Variants in MCM6 observed in about 807,000 individuals in gnomAD.
The protein encoded by MCM6 is minichromosome maintenance complex component 6, also known as DNA replication licensing factor MCM6.
In MCM6, 46 loss-of-function variants were observed where a neutral mutation model predicts 94.3. That is an observed-to-expected ratio of 0.49 (90% confidence interval 0.39 to 0.62). The LOEUF is 0.62. MCM6 is among the 20% of genes least tolerant of loss of function. MCM6 has a pLI of 0.00. For missense variants in MCM6, 865 were observed against 1,017.9 expected, an observed-to-expected ratio of 0.85 and a Z score of 2.04; for synonymous variants, 335 against 351.9, an observed-to-expected ratio of 0.95 and a Z score of 0.54.
chr2:135,870,481 T>G, intron 2 of MCM6, 120 bp from the exon 3 acceptor site: 1 of 697,952 alleles, frequency 1.4e-6, no homozygotes, highest in Non-Finnish European at 2.5e-6. Flanking sequence ...CCTTAGAACT[T>G]AACTGTGTAG....
chr2:135,858,027 T>C, intron 9 of MCM6, 23 bp from the exon 10 acceptor site: 3 of 1,603,166 alleles, frequency 1.9e-6, no homozygotes, highest in Non-Finnish European at 2.6e-6. Flanking sequence ...AAATCAAGCC[T>C]AAGAAGCTGT....
rs755569944 is a variant in MCM6, at chr2:135,872,785, G to A, written c.166C>T (p.Pro56Ser). 1.9e-6 allele frequency: 3 copies of A among 1,614,142 alleles called. No homozygotes were observed. The highest frequency in any genetic ancestry group is 2.5e-6 in the Non-Finnish European group (3 of 1,180,028). Residue 56 changes from proline (P) to serine (S), a missense_variant, in exon 2 of 17, where the codon CCT (proline) becomes TCT (serine). Physicochemically the swap from Pro to Ser is moderately conservative, Grantham distance 74. Transcript: ENST00000264156. ...CTCACAACCAATGTGTTTCTCTCAG[G>A]ACGAATCAGTTCCTCTGCTAATTGC... ...YLQLAEELIR[P>S]ERNTLVVSFV...
chr2:135,867,710 G>A (rs936737656), intron 4 of MCM6, among the ~76,000 whole-genome samples: 26 of 151,916 alleles, frequency 1.7e-4, no homozygotes, highest in African/African-American at 5.6e-4. Flanking sequence ...AACCCATCAC[G>A]GACTTATTCA....
intron 4 of MCM6, among the ~76,000 whole-genome samples, chr2:135,867,942 G>T (rs1039900962): frequency 1.6e-4 from 25 of 152,216 alleles, no homozygotes; most frequent in Admixed American, 1.6e-3. Flanking sequence ...CAGGAGAATG[G>T]CGTGAACCCA....
rs201405385 is a variant in MCM6, at chr2:135,856,896, G to C, written c.1471-13C>G. ...CGTTCAGAGTAGCCTGACCACAAAAGAAAGAATCTTAACAGATTTAAATAG... is the reference window on the plus strand; with the variant it reads ...CGTTCAGAGTAGCCTGACCACAAAACAAAGAATCTTAACAGATTTAAATAG... On this transcript the variant is annotated splice_polypyrimidine_tract_variant and intron_variant, in intron 10 of 16. Transcript: ENST00000264156. The C allele has an allele frequency of 1.9e-4, 300 of 1,603,908 alleles. 1 individual carries two copies. Among genetic ancestry groups the C allele is most frequent in the South Asian group, 1.8e-3 (163 of 89,142 alleles).
intron 2 of MCM6, 68 bp from the exon 3 acceptor site, chr2:135,870,429 C>A (rs1680179313): frequency 9.8e-7 from 1 of 1,022,642 alleles, no homozygotes; most frequent in East Asian, 2.4e-5. Flanking sequence ...TACATACCTA[C>A]CAACAGCCGA....
In MCM6 at chr2:135,852,901, G is replaced by A. The variant is rs776571342; in HGVS notation, c.1641C>T (p.Ala547=). ...VDECNEVTDY[A]IARRIVDLHS... ...GCAAATCTACTATGCGCCTGGCAAT[G>A]GCATAATCTGTAACCTAATTCAAAA... The change falls in exon 12 of 17, where the codon GCC becomes GCT. Residue 547 remains alanine, a synonymous_variant. Coordinates refer to ENST00000264156, the MANE Select transcript of MCM6 (RefSeq NM_005915.6). 6.2e-7 allele frequency: 1 copy of A among 1,606,010 alleles called. No homozygotes were observed. The highest frequency in any genetic ancestry group is 1.7e-5 in the Admixed American group (1 of 58,322).
chr2:135,858,168 G>A (rs1373993261), intron 9 of MCM6, among the ~76,000 whole-genome samples, 164 bp from the exon 10 acceptor site: 1 of 152,094 alleles, frequency 6.6e-6, no homozygotes, highest in East Asian at 1.9e-4. Flanking sequence ...CTCCAGGTTA[G>A]GTGACAGAGT....
intron 8 of MCM6, among the ~76,000 whole-genome samples, chr2:135,861,002 T>A (rs942499799): frequency 6.6e-6 from 1 of 152,164 alleles, no homozygotes; most frequent in African/African-American, 2.4e-5. Flanking sequence ...ATGACACTGT[T>A]ACCAGAGGCA....
intron 11 of MCM6, 41 bp downstream of exon 11, chr2:135,856,687 T>C (rs1194445785): frequency 1.2e-6 from 2 of 1,600,282 alleles, no homozygotes; most frequent in South Asian, 1.1e-5. Context: ...TCTCACTCGA[T>C]TACTCCAACT....
At chr2:135,870,895 G>GCAC (rs1427634482) in intron 2 of MCM6, among the ~76,000 whole-genome samples, 14 of 152,106 alleles carry the variant, frequency 9.2e-5, no homozygotes, top group Non-Finnish European at 1.5e-5. Flanking sequence ...CTACAGGCAT[G>GCAC]CACCACCATG....
At chr2:135,868,882 A>G (rs750255174) in intron 3 of MCM6, 22 bp from the exon 4 acceptor site, 3 of 1,605,682 alleles carry the variant, frequency 1.9e-6, no homozygotes, top group Non-Finnish European at 2.6e-6. Context: ...CAAATGTCCC[A>G]TTAGTAAACA....
At position 135,844,655 on chromosome 2, in the gene MCM6, C is replaced by A; in HGVS notation, c.2239G>T (p.Glu747Ter). ...EEDESALKRS[E>*]LVNWYLKEIE... ...TCCTTCAAGTACCAGTTAACAAGCT[C>A]GCTCCTCTTTAATGCTGACTCGTCC... The change falls in exon 16 of 17, where the codon GAG becomes TAG. Residue 747 changes from glutamate to a stop codon, truncating the protein, a stop_gained. Coordinates refer to ENST00000264156, the MANE Select transcript of MCM6 (RefSeq NM_005915.6). LOFTEE classifies it high-confidence loss of function. The A allele has an allele frequency of 6.3e-7, 1 of 1,587,142 alleles. No homozygotes were observed. Among genetic ancestry groups the A allele is most frequent in the South Asian group, 1.2e-5 (1 of 84,320 alleles).
intron 8 of MCM6, among the ~76,000 whole-genome samples, chr2:135,861,333 T>G (rs901295122): frequency 1.3e-5 from 2 of 152,056 alleles, no homozygotes; most frequent in African/African-American, 4.8e-5. Flanking sequence ...GCAAATTTCT[T>G]GTAGGCTTGG....
At chr2:135,844,913 TAATAA>T (rs1679642305) in intron 15 of MCM6, among the ~76,000 whole-genome samples, 1 of 152,228 alleles carries the variant, frequency 6.6e-6, no homozygotes, top group Non-Finnish European at 1.5e-5. Flanking sequence ...GAGAGAAACC[TAATAA>T]AATAGATTAT....
At chr2:135,858,973 C>T (rs1435406220) in intron 9 of MCM6, among the ~76,000 whole-genome samples, 1 of 152,086 alleles carries the variant, frequency 6.6e-6, no homozygotes, top group Non-Finnish European at 1.5e-5. Flanking sequence ...CTCAATGCAG[C>T]CTCCACCTCC....
rs530612650 is a variant in MCM6 at position 135,864,494 on chromosome 2, G to C, written c.1078+519C>G. On this transcript the variant is annotated intron_variant, in intron 7 of 16. Transcript: ENST00000264156. ...AAACACATACACACACACCAACAAG[G>C]CCAGGAGACTACAACCACAAAAAGG... Among the ~76,000 whole-genome samples the C allele has an allele frequency of 3.5e-4, 53 of 151,688 alleles. 1 individual carries two copies. Among genetic ancestry groups the C allele is most frequent in the Non-Finnish European group, 5.9e-5 (4 of 67,938 alleles).
chr2:135,839,849 CAAGTT>C lies in MCM6; in HGVS notation c.*981_*985del, dbSNP rs1401341061. ...GCACTGGAAAGCTCAGACATCAAGG[CAAGTT>C]GAGTACTCATGGGTATTAGACTGTC... On this transcript the variant is annotated 3_prime_UTR_variant, in exon 17 of 17. Transcript: ENST00000264156. 6.6e-6 allele frequency: 1 copy of C among 152,170 alleles called. No homozygotes were observed. Among genetic ancestry groups the C allele is most frequent in the Non-Finnish European group, 1.5e-5 (1 of 68,046 alleles). The allele number at this position is 152,170 out of a possible 1,614,324, so 9.4% of individuals were successfully genotyped here.
intron 15 of MCM6, 45 bp from the exon 16 acceptor site, chr2:135,844,729 G>A (rs1158316052): frequency 6.7e-7 from 1 of 1,485,444 alleles, no homozygotes; most frequent in Non-Finnish European, 8.9e-7. Flanking sequence ...AACTCGTACT[G>A]TCAGTCCTTG....
Sources: allele counts gnomAD v4.1 joint callset (sites outside exome capture counted in the v4.1 genomes callset), GRCh38; gene constraint gnomAD v4.1.1; transcripts MANE v1.5; gene names NCBI Gene and HGNC (gene_info 2026-07-23, HGNC 2026-07-21).